Variants in XKR9 observed in about 807,000 individuals in gnomAD.
XKR9 encodes XK related 9, also known as XK-related protein 9.
Under a neutral mutation model 32.0 loss-of-function variants are expected in XKR9, and 32 were observed. The ratio of observed to expected loss-of-function variants is 1.00; its 90% confidence interval spans 0.76 to 1.34. The LOEUF is 1.34. Ranked by LOEUF, XKR9 falls within the 40% of genes most tolerant of loss-of-function variation. XKR9 has a pLI of 0.00. For synonymous variants in XKR9, 168 were observed against 143.4 expected, an observed-to-expected ratio of 1.17 and a Z score of -1.22; for missense variants, 546 against 429.7, an observed-to-expected ratio of 1.27 and a Z score of -2.39.
Position 70,706,948 on chromosome 8 carries a change from A to G in XKR9, c.288A>G (p.Leu96=), listed in dbSNP as rs1805736944. 2 of 1,611,632 alleles carry G rather than the reference A, an allele frequency of 1.2e-6. No homozygotes were observed. Among genetic ancestry groups the G allele is most frequent in the African/African-American group, 2.7e-5 (2 of 74,864 alleles). The change falls in exon 4 of 5, where the codon TTA becomes TTG. Residue 96 remains leucine, a synonymous_variant. Transcript: ENST00000408926. ...GGVFTRYWFA[L]KRGYHAAFKY... ...TACTTTATAGGTATTGGTTTGCCTT[A>G]AAAAGGGGTTACCATGCAGCTTTTA...
intron 4 of XKR9, among the ~76,000 whole-genome samples, chr8:70,726,831 C>T (rs1806485650): frequency 6.6e-6 from 1 of 152,158 alleles, no homozygotes; most frequent in Non-Finnish European, 1.5e-5. Context: ...GAAAAAAGCC[C>T]AAGGAAGCTT....
chr8:70,870,231 T>C, the XKR9 span, among the ~76,000 whole-genome samples: 1 of 152,336 alleles, frequency 6.6e-6, no homozygotes, highest in South Asian at 2.1e-4. Flanking sequence ...AGAGTTATGA[T>C]AATTTATTAA....
intron 1 of XKR9, among the ~76,000 whole-genome samples, chr8:70,673,764 CAAA>C (rs372111324): frequency 7.6e-6 from 1 of 130,798 alleles, no homozygotes; most frequent in African/African-American, 2.8e-5. Flanking sequence ...GACTCCATGT[CAAA>C]AAAAAAAAAG....
intron 4 of XKR9, among the ~76,000 whole-genome samples, chr8:70,714,215 G>A (rs1389907087): frequency 1.3e-5 from 2 of 152,028 alleles, no homozygotes; most frequent in Non-Finnish European, 2.9e-5. Context: ...CTTATAGGCT[G>A]TATGTCAAAA....
At chr8:70,752,438 G>T (rs894302087) in intron 2 of XKR9, among the ~76,000 whole-genome samples, 25 of 152,150 alleles carry the variant, frequency 1.6e-4, no homozygotes, top group Admixed American at 1.4e-3. Context: ...TGGCAGATAA[G>T]TGGAAGGGGA....
the XKR9 span, among the ~76,000 whole-genome samples, chr8:71,054,335 C>T: frequency 6.6e-6 from 1 of 152,146 alleles, no homozygotes; most frequent in Non-Finnish European, 1.5e-5. Flanking sequence ...CTTCAGTGTC[C>T]TCATGTTCTT....
the XKR9 span, among the ~76,000 whole-genome samples, chr8:70,866,087 G>T: frequency 6.6e-6 from 1 of 152,268 alleles, no homozygotes; most frequent in South Asian, 2.1e-4. Context: ...AATAATAATT[G>T]TTTCTATTTC....
chr8:70,760,892 G>T (rs867508380), intron 2 of XKR9, among the ~76,000 whole-genome samples: 3 of 152,210 alleles, frequency 2.0e-5, no homozygotes, highest in South Asian at 4.2e-4. Flanking sequence ...TAGGCCCAGT[G>T]TGCATTGTTC....
chr8:70,764,727 G>T (rs1286887828), intron 2 of XKR9, among the ~76,000 whole-genome samples: 1 of 152,046 alleles, frequency 6.6e-6, no homozygotes, highest in Admixed American at 6.6e-5. Flanking sequence ...TTCTCCTAAT[G>T]CTATCCCTCC....
chr8:70,773,711 T>A (rs942745158), intron 2 of XKR9, among the ~76,000 whole-genome samples: 1 of 152,166 alleles, frequency 6.6e-6, no homozygotes, highest in Non-Finnish European at 1.5e-5. Flanking sequence ...TTTATTTGCT[T>A]CCTATGAAGG....
At chr8:70,905,974 G>T in the XKR9 span, among the ~76,000 whole-genome samples, 5 of 152,198 alleles carry the variant, frequency 3.3e-5, no homozygotes, top group Non-Finnish European at 7.3e-5. Flanking sequence ...GTTGCTGGCT[G>T]ATCCTTCTTC....
chr8:70,873,195 T>C, the XKR9 span, among the ~76,000 whole-genome samples: 1 of 152,184 alleles, frequency 6.6e-6, no homozygotes, highest in African/African-American at 2.4e-5. Flanking sequence ...ATGCACCAGG[T>C]CATGCAAGAG....
chr8:70,944,613 C>T, the XKR9 span, among the ~76,000 whole-genome samples: 50 of 152,066 alleles, frequency 3.3e-4, no homozygotes, highest in African/African-American at 1.2e-3. Context: ...AAATTTCTTG[C>T]GCTCAGCAGT....
intron 3 of XKR9, among the ~76,000 whole-genome samples, chr8:70,682,737 A>G (rs536849789): frequency 1.6e-3 from 242 of 152,304 alleles, no homozygotes; most frequent in Middle Eastern, 3.4e-3. Context: ...TTGGCACCAC[A>G]AGACTACCAG....
At chr8:70,798,213 A>T in the XKR9 span, among the ~76,000 whole-genome samples, 1 of 151,626 alleles carries the variant, frequency 6.6e-6, no homozygotes, top group Non-Finnish European at 1.5e-5. Context: ...CCTTGCCTAC[A>T]TCTGTTATTT....
the XKR9 span, among the ~76,000 whole-genome samples, chr8:70,833,437 A>G: frequency 6.6e-6 from 1 of 152,220 alleles, no homozygotes; most frequent in African/African-American, 2.4e-5. Flanking sequence ...TTACTTTCCA[A>G]AAACATTTTA....
intron 4 of XKR9, among the ~76,000 whole-genome samples, chr8:70,724,337 CTGAG>C: frequency 6.6e-6 from 1 of 151,880 alleles, no homozygotes; most frequent in South Asian, 2.1e-4. Context: ...GTAGGACCCA[CTGAG>C]TGAGACCACT....
the XKR9 span, among the ~76,000 whole-genome samples, chr8:70,963,164 T>G: frequency 1.2e-3 from 182 of 152,210 alleles, 1 homozygote; most frequent in African/African-American, 4.2e-3. Context: ...TCCCACCTCA[T>G]GTGTCCATGT....
chr8:70,971,015 G>A, the XKR9 span, among the ~76,000 whole-genome samples: 5 of 152,262 alleles, frequency 3.3e-5, no homozygotes, highest in African/African-American at 1.2e-4. Flanking sequence ...GTATGTTTAT[G>A]TGGTACTTTT....
Sources: allele counts gnomAD v4.1 joint callset (sites outside exome capture counted in the v4.1 genomes callset), GRCh38; gene constraint gnomAD v4.1.1; transcripts MANE v1.5; gene names NCBI Gene and HGNC (gene_info 2026-07-23, HGNC 2026-07-21).